The following TEKT1 variants were observed in gnomAD, a reference collection of about 807,000 sequenced individuals.
TEKT1 encodes tektin-1.
TEKT1 carries 32 observed loss-of-function variants against 34.8 expected under a neutral mutation model. That is an observed-to-expected ratio of 0.92 (90% CI 0.69 to 1.23). TEKT1 has a LOEUF of 1.23. Among genes scored for constraint, TEKT1 ranks in the 50% most tolerant of loss-of-function variants. The pLI is 0.00. For synonymous variants in TEKT1, 207 were observed against 199.8 expected, an observed-to-expected ratio of 1.04 and a Z score of -0.30; for missense variants, 492 against 518.5, an observed-to-expected ratio of 0.95 and a Z score of 0.50.
chr17:6,820,289 T>C (rs1157739749), intron 2 of TEKT1, among the ~76,000 whole-genome samples: 3 of 152,040 alleles, frequency 2.0e-5, no homozygotes. Context: ...GCATTTTTGC[T>C]TCACTTTCTT....
rs1446061670 is a variant in TEKT1, at chr17:6,812,969, C to T, written c.714G>A (p.Leu238=). Residue 238 remains leucine, a synonymous_variant, in exon 6 of 8, where the codon CTG becomes CTA. Transcript: ENST00000338694. ...ACAGGATTCGATCCACCAGGGCTTT[C>T]AGCATCAGGGAGTTGTTCCGCTGCT... ...ADKQRNNSLM[L]KALVDRILSQ... is the part of the protein sequence containing the mutation. 6.2e-7 allele frequency: 1 copy of T among 1,614,240 alleles called. No individual in the cohort carries two copies. The highest frequency in any genetic ancestry group is 8.5e-7 in the Non-Finnish European group (1 of 1,180,044).
chr17:6,815,869 C>T lies in TEKT1; in HGVS notation c.450G>A (p.Leu150=), dbSNP rs761310661. The T allele has an allele frequency of 1.6e-5, 26 of 1,614,092 alleles. No individual in the cohort carries two copies. Among genetic ancestry groups the T allele is most frequent in the Non-Finnish European group, 2.2e-5 (26 of 1,180,052 alleles). ...CGGAAGCCTCCTCCAAGGTACGGGT[C>T]AGCAGAGCCATAATGCCCTGGATGA... ...AEIIQGIMAL[L]TRTLEEASEQ... is the part of the protein sequence containing the mutation. The change falls in exon 4 of 8, where the codon CTG becomes CTA. Residue 150 remains leucine, a synonymous_variant. Transcript: ENST00000338694.
intron 2 of TEKT1, among the ~76,000 whole-genome samples, chr17:6,820,018 C>T (rs1466038847): frequency 1.3e-5 from 2 of 152,148 alleles, no homozygotes; most frequent in Non-Finnish European, 2.9e-5. Context: ...GCTTATACTG[C>T]TATTCACTCA....
At chr17:6,825,282 G>A (rs1199855632) in intron 2 of TEKT1, among the ~76,000 whole-genome samples, 4 of 152,132 alleles carry the variant, frequency 2.6e-5, no homozygotes, top group African/African-American at 9.7e-5. Flanking sequence ...AGTAGTCATT[G>A]GATGTGACCA....
chr17:6,800,018 G>A lies in TEKT1; in HGVS notation c.*9C>T. ...TGTGGTTTAATGAGAATTGGAACTA[G>A]CCCTACTATTAGCAGACAGCATCAG... is the stretch of plus-strand genomic sequence containing the variant. On this transcript the variant is annotated 3_prime_UTR_variant, in exon 8 of 8. Coordinates refer to ENST00000338694, the MANE Select transcript of TEKT1 (RefSeq NM_053285.2). The A allele has an allele frequency of 1.9e-6, 3 of 1,601,184 alleles. No homozygotes were observed. The highest frequency in any genetic ancestry group is 2.5e-6 in the Non-Finnish European group (3 of 1,178,786).
chr17:6,800,473 G>A (rs556773733), intron 7 of TEKT1, among the ~76,000 whole-genome samples: 8 of 152,300 alleles, frequency 5.3e-5, no homozygotes, highest in Middle Eastern at 3.4e-3. Flanking sequence ...GATTCATGAC[G>A]TAGACACCTT....
rs377161326 is a variant in TEKT1, at chr17:6,815,133, G to A, written c.629+30C>T. The A allele has an allele frequency of 8.8e-5, 139 of 1,587,942 alleles. 2 individuals are homozygous for A. In the South Asian group the frequency reaches 1.0e-3, roughly 12 times the overall value. Reference sequence around the variant, plus strand: ...CTATCTGAGAAGCACTGGGTCACCCGCGAGGAGGAAGACGGCAAGGCCCAC... The same window carrying A: ...CTATCTGAGAAGCACTGGGTCACCCACGAGGAGGAAGACGGCAAGGCCCAC... On this transcript the variant is annotated intron_variant, in intron 5 of 7. Transcript: ENST00000338694.
rs566063683 is a variant in TEKT1 at position 6,819,274 on chromosome 17, A to G, written c.275T>C (p.Leu92Pro). The change falls in exon 3 of 8, where the codon CTC (leucine) becomes CCC (proline). Residue 92 changes from leucine to proline, a missense_variant. Transcript: ENST00000338694. ...TTTTTCCAATCTGATCTTATATATG[A>G]GTAGATCATCAGTTACATTCACAAG... ...EQLVNVTDDL[L>P]IYKIRLEKAL... 6.2e-7 allele frequency: 1 copy of G among 1,614,074 alleles called. No individual in the cohort carries two copies. The highest frequency in any genetic ancestry group is 1.1e-5 in the South Asian group (1 of 91,052).
In TEKT1 at chr17:6,798,702, G is replaced by A. The variant is rs569509116; in HGVS notation, c.*1325C>T. Reference sequence around the variant, plus strand: ...CCTTTCTGATGGCAAAGAGTCTCTGGACCAAGGAGCACCTAGATTGCAAAG... The same window carrying A: ...CCTTTCTGATGGCAAAGAGTCTCTGAACCAAGGAGCACCTAGATTGCAAAG... On this transcript the variant is annotated 3_prime_UTR_variant, in exon 8 of 8. Coordinates refer to ENST00000338694, the MANE Select transcript of TEKT1 (RefSeq NM_053285.2). 1 of 152,230 alleles carries A rather than the reference G, an allele frequency of 6.6e-6. No homozygotes were observed. The highest frequency in any genetic ancestry group is 1.5e-5 in the Non-Finnish European group (1 of 68,034). The allele number at this position is 152,230 out of a possible 1,614,324, so 9.4% of individuals were successfully genotyped here.
chr17:6,823,766 A>G (rs1017241921), intron 2 of TEKT1, among the ~76,000 whole-genome samples: 12 of 148,746 alleles, frequency 8.1e-5, no homozygotes, highest in African/African-American at 2.7e-4. Flanking sequence ...TTAGACATTT[A>G]GACAACCACT....
intron 2 of TEKT1, among the ~76,000 whole-genome samples, chr17:6,827,255 C>A (rs1045239423): frequency 3.6e-4 from 52 of 143,796 alleles, no homozygotes; most frequent in African/African-American, 1.1e-3. Context: ...ATAGTTGTGC[C>A]AATTTTTTTT....
At chr17:6,831,374 G>A (rs1002190069) in intron 1 of TEKT1, among the ~76,000 whole-genome samples, 3 of 152,124 alleles carry the variant, frequency 2.0e-5, no homozygotes, top group Admixed American at 6.5e-5. Context: ...TGAAACTAGA[G>A]TCAGATCTTG....
chr17:6,812,566 C>T (rs1163354777), intron 6 of TEKT1, among the ~76,000 whole-genome samples: 1 of 152,210 alleles, frequency 6.6e-6, no homozygotes, highest in Non-Finnish European at 1.5e-5. Flanking sequence ...CTCCCGTCTC[C>T]TGCCTCAGGG....
intron 6 of TEKT1, among the ~76,000 whole-genome samples, chr17:6,804,303 T>C (rs1407669900): frequency 1.3e-5 from 2 of 152,202 alleles, no homozygotes; most frequent in Non-Finnish European, 2.9e-5. Flanking sequence ...TTTTTGCACA[T>C]TGATTTTGTA....
intron 1 of TEKT1, 149 bp from the exon 2 acceptor site, chr17:6,830,542 C>A: frequency 1.6e-6 from 1 of 607,884 alleles, no homozygotes; most frequent in Non-Finnish European, 2.7e-6. Context: ...GGCACCCAAA[C>A]CAAGAAACAA....
At chr17:6,804,546 A>C (rs1025142329) in intron 6 of TEKT1, among the ~76,000 whole-genome samples, 8 of 152,210 alleles carry the variant, frequency 5.3e-5, no homozygotes, top group Non-Finnish European at 1.0e-4. Flanking sequence ...GCCAGTTTTC[A>C]AAGGGAATGT....
chr17:6,803,216 C>T (rs1406520601), intron 6 of TEKT1, among the ~76,000 whole-genome samples: 1 of 152,122 alleles, frequency 6.6e-6, no homozygotes, highest in Non-Finnish European at 1.5e-5. Context: ...CCAGTGATGA[C>T]GAGCATTTTT....
chr17:6,808,980 AT>A (rs1010554262), intron 6 of TEKT1, among the ~76,000 whole-genome samples: 3 of 151,990 alleles, frequency 2.0e-5, no homozygotes, highest in East Asian at 1.9e-4. Context: ...GTGAAATAAG[AT>A]TTTTTTTAAG....
At chr17:6,827,893 T>C (rs1333829452) in intron 2 of TEKT1, among the ~76,000 whole-genome samples, 1 of 152,054 alleles carries the variant, frequency 6.6e-6, no homozygotes, top group Admixed American at 6.5e-5. Flanking sequence ...GAAGGTTCAC[T>C]TTTTCCCCGT....
Sources: allele counts gnomAD v4.1 joint callset (sites outside exome capture counted in the v4.1 genomes callset), GRCh38; gene constraint gnomAD v4.1.1; transcripts MANE v1.5; gene names NCBI Gene and HGNC (gene_info 2026-07-23, HGNC 2026-07-21).